The following PLGRKT variants were observed in gnomAD, a reference collection of about 807,000 sequenced individuals.
PLGRKT encodes plasminogen receptor (KT).
Under a neutral mutation model 18.5 loss-of-function variants are expected in PLGRKT, and 22 were observed. That is an observed-to-expected ratio of 1.19 (90% CI 0.85 to 1.70). The LOEUF is 1.70. PLGRKT is among the 40% of genes most tolerant of loss of function. The pLI is 0.00. For missense variants in PLGRKT, 235 were observed against 174.4 expected (o/e 1.35, Z -1.96); for synonymous variants, 72 against 52.8 (o/e 1.36, Z -1.58).
At chr9:5,361,949 A>G (rs13288020) in intron 3 of PLGRKT, 61 bp from the exon 4 acceptor site, 332 of 1,486,554 alleles carry the variant, frequency 2.2e-4, no homozygotes, top group Admixed American at 7.5e-4. Context: ...ACAAATAGTT[A>G]ATAATCTGTT....
At chr9:5,407,355 A>T (rs1818276451) in intron 3 of PLGRKT, among the ~76,000 whole-genome samples, 1 of 152,194 alleles carries the variant, frequency 6.6e-6, no homozygotes, top group African/African-American at 2.4e-5. Context: ...CACACAAAGA[A>T]AACACCAAAT....
intron 3 of PLGRKT, among the ~76,000 whole-genome samples, chr9:5,412,788 T>G (rs1229481137): frequency 6.6e-6 from 1 of 152,150 alleles, no homozygotes; most frequent in East Asian, 1.9e-4. Flanking sequence ...ACTAAACTTT[T>G]TTTCATGGTG....
intron 3 of PLGRKT, among the ~76,000 whole-genome samples, chr9:5,373,719 G>A (rs762744928): frequency 2.0e-5 from 3 of 152,048 alleles, no homozygotes; most frequent in Non-Finnish European, 4.4e-5. Context: ...GACCACTTGA[G>A]CCTGGCATGT....
intron 2 of PLGRKT, among the ~76,000 whole-genome samples, chr9:5,434,835 G>A (rs1392777259): frequency 4.6e-5 from 7 of 152,178 alleles, no homozygotes; most frequent in South Asian, 2.1e-4. Context: ...AGCGACCATC[G>A]AGAACGGGCC....
At chr9:5,406,977 T>C (rs1015600300) in intron 3 of PLGRKT, among the ~76,000 whole-genome samples, 1 of 152,208 alleles carries the variant, frequency 6.6e-6, no homozygotes, top group Non-Finnish European at 1.5e-5. Flanking sequence ...CATTATAGAA[T>C]AAAATGTAAT....
At chr9:5,417,244 G>A (rs935256182) in intron 3 of PLGRKT, among the ~76,000 whole-genome samples, 1 of 152,148 alleles carries the variant, frequency 6.6e-6, no homozygotes, top group Non-Finnish European at 1.5e-5. Flanking sequence ...CTTAGTATGT[G>A]ACCCCTAATA....
chr9:5,426,920 G>T (rs1359233215), intron 3 of PLGRKT, among the ~76,000 whole-genome samples: 1 of 152,088 alleles, frequency 6.6e-6, no homozygotes, highest in Admixed American at 6.6e-5. Context: ...CTCCTTTATG[G>T]GACTTGGAGT....
At chr9:5,374,817 A>G (rs1316436663) in intron 3 of PLGRKT, among the ~76,000 whole-genome samples, 1 of 152,220 alleles carries the variant, frequency 6.6e-6, no homozygotes, top group South Asian at 2.1e-4. Flanking sequence ...TCATATTCCT[A>G]TATGATCACA....
intron 5 of PLGRKT, among the ~76,000 whole-genome samples, chr9:5,358,733 A>G (rs1053949945): frequency 5.9e-5 from 9 of 152,348 alleles, no homozygotes; most frequent in Middle Eastern, 3.4e-3. Context: ...ACAAGAGAGA[A>G]AGTAAAGTTT....
rs983625383 is a variant in PLGRKT at position 5,431,917 on chromosome 9, G to T, written c.61C>A (p.Leu21Ile). The change falls in exon 3 of 6, where the codon CTT (leucine) becomes ATT (isoleucine). Residue 21 changes from leucine to isoleucine, a missense_variant. By Grantham distance (5) the Leu-to-Ile change is conservative. Transcript: ENST00000223864. Reference sequence around the variant, plus strand: ...CATACCTGAAGTCGAGCATTCATAAGCATGAACTCCTTTTGATTTTTCATG... The same window carrying T: ...CATACCTGAAGTCGAGCATTCATAATCATGAACTCCTTTTGATTTTTCATG... The part of the protein sequence containing the change: ...ESMKNQKEFM[L>I]MNARLQLERQ... The T allele has an allele frequency of 6.5e-7, 1 of 1,526,834 alleles. No individual in the cohort carries two copies. The highest frequency in any genetic ancestry group is 1.4e-5 in the African/African-American group (1 of 73,368). 94.6% of individuals were successfully genotyped at this position (1,526,834 alleles called of 1,614,324 possible). A position where few individuals can be genotyped will look rare whatever the true frequency, so the allele number is the denominator to read the frequency against.
intron 5 of PLGRKT, among the ~76,000 whole-genome samples, chr9:5,359,035 T>C (rs1015385689): frequency 6.6e-6 from 1 of 151,510 alleles, no homozygotes; most frequent in Non-Finnish European, 1.5e-5. Context: ...ACACTTTCTG[T>C]GAGTACTCCT....
In PLGRKT at chr9:5,361,172, CT is replaced by C. The variant is rs765091847; in HGVS notation, c.227del (p.Lys76ArgfsTer12). ...ISLTAGAIKKKKPAFLVPIVP... is the reference protein window; with the variant it reads ...ISLTAGAIKKXKPAFLVPIVP... ...CAATCGGGACCAGGAAGGCTGGCTTCTTTTTTTTAATCGCTCTGTTTCAAGA... is the reference window on the plus strand; with the variant it reads ...CAATCGGGACCAGGAAGGCTGGCTTCTTTTTTTAATCGCTCTGTTTCAAGA... On this transcript the variant is annotated frameshift_variant, in exon 5 of 6. Transcript: ENST00000223864. LOFTEE classifies it high-confidence loss of function. The C allele has an allele frequency of 4.6e-5, 73 of 1,598,074 alleles. No homozygotes were observed. Among genetic ancestry groups the C allele is most frequent in the Middle Eastern group, 1.7e-4 (1 of 6,028 alleles).
At chr9:5,436,245 A>AGTCT (rs376807044) in intron 2 of PLGRKT, among the ~76,000 whole-genome samples, 9 of 152,378 alleles carry the variant, frequency 5.9e-5, no homozygotes, top group African/African-American at 2.2e-4. Context: ...CCATCTTGAT[A>AGTCT]GTCTCCATGG....
chr9:5,404,060 CT>C (rs1401489981), intron 3 of PLGRKT, among the ~76,000 whole-genome samples: 5 of 152,156 alleles, frequency 3.3e-5, no homozygotes, highest in East Asian at 1.9e-4. Flanking sequence ...CACATACACC[CT>C]TCTCAAGACT....
chr9:5,376,725 G>A (rs191926487), intron 3 of PLGRKT, among the ~76,000 whole-genome samples: 1 of 152,030 alleles, frequency 6.6e-6, no homozygotes, highest in South Asian at 2.1e-4. Flanking sequence ...AAAAAGCAAG[G>A]TACAGAAAGG....
At chr9:5,424,698 A>ACACACACACACACAC (rs554487361) in intron 3 of PLGRKT, among the ~76,000 whole-genome samples, 14 of 75,380 alleles carry the variant, frequency 1.9e-4, no homozygotes, top group African/African-American at 6.5e-4. Context: ...ATATACACAC[A>ACACACACACACACAC]GGGGGGGGAG....
intron 3 of PLGRKT, among the ~76,000 whole-genome samples, chr9:5,430,375 C>T (rs1016434007): frequency 6.6e-6 from 1 of 152,186 alleles, no homozygotes; most frequent in African/African-American, 2.4e-5. Flanking sequence ...TACTTGGTCT[C>T]GCCTAGGTCA....
chr9:5,378,503 T>C (rs189621786), intron 3 of PLGRKT, among the ~76,000 whole-genome samples: 1 of 152,244 alleles, frequency 6.6e-6, no homozygotes, highest in African/African-American at 2.4e-5. Flanking sequence ...AGTAAAAAGA[T>C]CAAAATTAGA....
At chr9:5,359,805 C>T (rs962926930) in intron 5 of PLGRKT, among the ~76,000 whole-genome samples, 59 of 152,224 alleles carry the variant, frequency 3.9e-4, no homozygotes, top group African/African-American at 1.3e-3. Context: ...TCTGTGACAG[C>T]AGCAGTATGC....
Sources: gnomAD v4.1 joint callset for allele counts (sites outside exome capture counted in the v4.1 genomes callset) on GRCh38, gnomAD v4.1.1 for gene constraint, MANE v1.5 for transcripts, NCBI Gene and HGNC (gene_info 2026-07-23, HGNC 2026-07-21) for gene names.